Variants in ATRNL1 observed in about 807,000 individuals in gnomAD.
The protein encoded by ATRNL1 is attractin-like protein 1.
A neutral mutation model predicts 182.7 loss-of-function variants in ATRNL1; 95 were observed. The ratio of observed to expected loss-of-function variants is 0.52; its 90% CI spans 0.44 to 0.62. The LOEUF (loss-of-function observed/expected upper bound fraction) is 0.62. ATRNL1 is among the 20% of genes least tolerant of loss of function. The pLI is 0.00. For missense variants in ATRNL1, 1,471 were observed against 1,679.5 expected, an observed-to-expected ratio of 0.88 and a Z score of 2.17; for synonymous variants, 576 against 568.3, an observed-to-expected ratio of 1.01 and a Z score of -0.19.
At chr10:115,184,985 T>TA (rs1554888520) in intron 8 of ATRNL1, among the ~76,000 whole-genome samples, 1 of 151,978 alleles carries the variant, frequency 6.6e-6, no homozygotes, top group Non-Finnish European at 1.5e-5. Flanking sequence ...ATGTTTAGAC[T>TA]AAAAAATAAG....
chr10:115,141,651 A>T (rs1554878109), intron 5 of ATRNL1, among the ~76,000 whole-genome samples: 1 of 152,190 alleles, frequency 6.6e-6, no homozygotes, highest in East Asian at 1.9e-4. Flanking sequence ...TACACATGAG[A>T]TTATAGGTTG....
intron 12 of ATRNL1, among the ~76,000 whole-genome samples, chr10:115,267,247 T>C (rs1213052010): frequency 6.6e-6 from 1 of 150,606 alleles, no homozygotes; most frequent in East Asian, 1.9e-4. Context: ...ATATATAACA[T>C]TGTCATATAT....
At chr10:115,172,743 C>G (rs1038269854) in intron 8 of ATRNL1, among the ~76,000 whole-genome samples, 2 of 151,738 alleles carry the variant, frequency 1.3e-5, no homozygotes, top group Non-Finnish European at 2.9e-5. Context: ...CTTTTTTTGT[C>G]CATATTTCTA....
chr10:115,848,558 A>G (rs1043780581), intron 28 of ATRNL1, among the ~76,000 whole-genome samples: 7 of 152,138 alleles, frequency 4.6e-5, no homozygotes, highest in Admixed American at 4.6e-4. Context: ...GGGCACAGCC[A>G]GCCTTTGTTC....
intron 9 of ATRNL1, among the ~76,000 whole-genome samples, chr10:115,225,955 A>G (rs960787853): frequency 1.3e-5 from 2 of 151,380 alleles, no homozygotes; most frequent in Non-Finnish European, 3.0e-5. Flanking sequence ...GAAAAACTTT[A>G]GAAGAACAAA....
intron 10 of ATRNL1, among the ~76,000 whole-genome samples, chr10:115,263,154 A>G (rs1210878658): frequency 6.6e-6 from 1 of 151,938 alleles, no homozygotes; most frequent in East Asian, 1.9e-4. Context: ...ACATGGTTAC[A>G]ATGAGCACAC....
intron 28 of ATRNL1, among the ~76,000 whole-genome samples, chr10:115,863,622 G>A (rs1565445052): frequency 2.0e-5 from 3 of 152,144 alleles, no homozygotes; most frequent in African/African-American, 7.2e-5. Context: ...CACTGTAGGT[G>A]GATGCACATA....
intron 8 of ATRNL1, among the ~76,000 whole-genome samples, chr10:115,206,741 G>A (rs1353500306): frequency 1.3e-5 from 2 of 151,966 alleles, no homozygotes; most frequent in African/African-American, 4.8e-5. Flanking sequence ...CAACGTGCAG[G>A]TTTGTTACAT....
chr10:115,854,508 C>A (rs1310152229), intron 28 of ATRNL1, among the ~76,000 whole-genome samples: 1 of 152,234 alleles, frequency 6.6e-6, no homozygotes, highest in Non-Finnish European at 1.5e-5. Context: ...CCTCTCCACT[C>A]ACTTAGGGAA....
At chr10:115,178,844 C>T (rs782794739) in intron 8 of ATRNL1, among the ~76,000 whole-genome samples, 4 of 152,120 alleles carry the variant, frequency 2.6e-5, no homozygotes, top group Admixed American at 2.0e-4. Context: ...TTTTGAAATT[C>T]CTAGTTTCCA....
intron 26 of ATRNL1, among the ~76,000 whole-genome samples, chr10:115,655,781 A>T (rs1464574257): frequency 6.6e-6 from 1 of 152,196 alleles, no homozygotes; most frequent in Non-Finnish European, 1.5e-5. Flanking sequence ...ATCATGTCAG[A>T]TCATGTCAGT....
intron 19 of ATRNL1, among the ~76,000 whole-genome samples, chr10:115,389,558 A>ATATATATATATATG: frequency 1.3e-5 from 1 of 75,028 alleles, no homozygotes; most frequent in Middle Eastern, 6.5e-3. Context: ...ATATATATAT[A>ATATATATATATATG]TATATATATA....
At chr10:115,804,357 G>A (rs1949869602) in intron 27 of ATRNL1, among the ~76,000 whole-genome samples, 1 of 152,116 alleles carries the variant, frequency 6.6e-6, no homozygotes, top group African/African-American at 2.4e-5. Flanking sequence ...AACCCTCAAT[G>A]TGATGGCATT....
At chr10:115,324,260 C>T (rs1485473296) in intron 18 of ATRNL1, among the ~76,000 whole-genome samples, 1 of 152,020 alleles carries the variant, frequency 6.6e-6, no homozygotes, top group African/African-American at 2.4e-5. Context: ...TGCAGATTTA[C>T]GTAAACAATG....
chr10:115,846,727 A>G (rs1950936814), intron 27 of ATRNL1, among the ~76,000 whole-genome samples: 1 of 152,066 alleles, frequency 6.6e-6, no homozygotes, highest in Admixed American at 6.6e-5. Flanking sequence ...GTACTTGTGC[A>G]TATGTTTATG....
At chr10:115,442,948 G>A (rs782651821) in intron 21 of ATRNL1, among the ~76,000 whole-genome samples, 13 of 152,066 alleles carry the variant, frequency 8.5e-5, no homozygotes, top group South Asian at 2.1e-4. Flanking sequence ...TATTTATCAT[G>A]TATAGTTACA....
chr10:115,901,717 A>T (rs1470399499), intron 28 of ATRNL1, among the ~76,000 whole-genome samples: 1 of 150,826 alleles, frequency 6.6e-6, no homozygotes, highest in African/African-American at 2.5e-5. Context: ...TATTAGAAAA[A>T]CACCAGAGAG....
chr10:115,117,787 A>G (rs1844557512), intron 1 of ATRNL1, among the ~76,000 whole-genome samples: 1 of 152,154 alleles, frequency 6.6e-6, no homozygotes, highest in African/African-American at 2.4e-5. Flanking sequence ...AGTGTTCTCC[A>G]TAGTGGTTGT....
At chr10:115,096,619 G>T (rs1554863194) in intron 1 of ATRNL1, 1 of 1,269,606 alleles carries the variant, frequency 7.9e-7, no homozygotes, top group Non-Finnish European at 1.0e-6. Context: ...TGGCTCCATG[G>T]TAACTTAGCT....
Sources: gnomAD v4.1 joint callset for allele counts (sites outside exome capture counted in the v4.1 genomes callset) on GRCh38, gnomAD v4.1.1 for gene constraint, MANE v1.5 for transcripts, NCBI Gene and HGNC (gene_info 2026-07-23, HGNC 2026-07-21) for gene names.